GTF2F2: variants seen among roughly 807,000 people sequenced by gnomAD.
GTF2F2 encodes the protein ATP-dependent helicase GTF2F2.
Under a neutral mutation model 42.2 loss-of-function variants are expected in GTF2F2, and 23 were observed. The observed-to-expected ratio is 0.55, with a 90% CI of 0.39 to 0.77. The LOEUF (loss-of-function observed/expected upper bound fraction) is 0.77. Among genes scored for constraint, GTF2F2 ranks in the 30% least tolerant of loss-of-function variants. The probability of loss-of-function intolerance (pLI) is 0.00; values close to 1 mark genes in which losing one functional copy is unlikely to be tolerated. For missense variants in GTF2F2, 261 were observed against 287.2 expected, an observed-to-expected ratio of 0.91 and a Z score of 0.66; for synonymous variants, 105 against 100.8, an observed-to-expected ratio of 1.04 and a Z score of -0.25.
intron 6 of GTF2F2, among the ~76,000 whole-genome samples, chr13:45,254,084 AAAG>A (rs1566152259): frequency 6.0e-5 from 9 of 150,470 alleles, no homozygotes; most frequent in African/African-American, 1.5e-4. Flanking sequence ...AAAAAAAAAA[AAAG>A]AAAGAAGAAG....
chr13:45,261,080 T>G (rs1024876465), intron 6 of GTF2F2, among the ~76,000 whole-genome samples: 2 of 142,302 alleles, frequency 1.4e-5, no homozygotes, highest in African/African-American at 5.3e-5. Flanking sequence ...GAGGTGAGAT[T>G]GCGCCACTGC....
At chr13:45,194,861 A>G (rs1872814072) in intron 4 of GTF2F2, 1 of 370,892 alleles carries the variant, frequency 2.7e-6, no homozygotes, top group African/African-American at 2.1e-5. Flanking sequence ...GTTACTCAGA[A>G]TAAATTGAAT....
intron 4 of GTF2F2, among the ~76,000 whole-genome samples, chr13:45,168,533 A>G (rs1486828650): frequency 1.3e-5 from 2 of 152,206 alleles, no homozygotes; most frequent in Admixed American, 6.5e-5. Flanking sequence ...GGTTTTCTAC[A>G]CTAATCATTT....
chr13:45,194,767 G>A (rs1406071488), intron 4 of GTF2F2: 4 of 572,120 alleles, frequency 7.0e-6, no homozygotes, highest in South Asian at 5.3e-5. Context: ...GGAGTAAGAC[G>A]GAAAAGAGAA....
chr13:45,246,438 C>G (rs1875621759), intron 5 of GTF2F2, among the ~76,000 whole-genome samples: 1 of 152,156 alleles, frequency 6.6e-6, no homozygotes, highest in Non-Finnish European at 1.5e-5. Context: ...TCTATTGAAT[C>G]TGTTTTCAAA....
intron 4 of GTF2F2, chr13:45,194,528 A>G (rs759102946): frequency 6.2e-7 from 1 of 1,611,866 alleles, no homozygotes; most frequent in African/African-American, 1.3e-5. Flanking sequence ...TTCCCTTCAT[A>G]CTCCTTTTCT....
At position 45,134,454 on chromosome 13, in the gene GTF2F2, T is replaced by C. The variant is rs1869513393; in HGVS notation, c.67-2279T>C. On this transcript the variant is annotated intron_variant, in intron 1 of 7. Coordinates refer to ENST00000340473, the MANE Select transcript of GTF2F2 (RefSeq NM_004128.3). ...GGATAGATAAGAAATAGTGAAAGAG[T>C]CCTGAGGGCATCATTTGAGCCCTTA... Among the ~76,000 whole-genome samples, 2 of 151,860 alleles carry C rather than the reference T, an allele frequency of 1.3e-5. 1 individual carries two copies. Among genetic ancestry groups the C allele is most frequent in the African/African-American group, 4.8e-5 (2 of 41,396 alleles).
intron 4 of GTF2F2, chr13:45,194,179 C>T (rs1872772571): frequency 6.2e-7 from 1 of 1,614,060 alleles, no homozygotes; most frequent in Non-Finnish European, 8.5e-7. Flanking sequence ...TTCTTTCTCC[C>T]ACCTGGATTT....
chr13:45,122,952 T>G (rs1277806278), intron 1 of GTF2F2: 2 of 152,080 alleles, frequency 1.3e-5, no homozygotes, highest in African/African-American at 2.4e-5. Flanking sequence ...AAATTAGTGC[T>G]TCACCAGAAC....
At chr13:45,228,669 CTTTT>C (rs57570023) in intron 5 of GTF2F2, among the ~76,000 whole-genome samples, 1 of 108,286 alleles carries the variant, frequency 9.2e-6, no homozygotes, top group African/African-American at 4.8e-5. Flanking sequence ...CAGAGTTAAT[CTTTT>C]TTTTTTTTTT....
chr13:45,251,680 A>G (rs1875885467), intron 5 of GTF2F2, among the ~76,000 whole-genome samples: 4 of 151,638 alleles, frequency 2.6e-5, no homozygotes, highest in African/African-American at 4.8e-5. Flanking sequence ...ACTGCTTCCT[A>G]TTGGATTCAT....
chr13:45,151,948 T>C, intron 4 of GTF2F2, 117 bp downstream of exon 4: 1 of 540,766 alleles, frequency 1.8e-6, no homozygotes, highest in Non-Finnish European at 3.1e-6. Flanking sequence ...GGAGTTTCGC[T>C]CTTGTTGCCC....
intron 4 of GTF2F2, chr13:45,194,669 T>C (rs1322937384): frequency 1.8e-6 from 2 of 1,109,758 alleles, no homozygotes; most frequent in African/African-American, 3.1e-5. Context: ...AGCCTGGTGA[T>C]GGAATGGAAA....
At chr13:45,225,027 A>G (rs1874271045) in intron 5 of GTF2F2, among the ~76,000 whole-genome samples, 1 of 152,214 alleles carries the variant, frequency 6.6e-6, no homozygotes, top group Admixed American at 6.5e-5. Context: ...TGTGTATACA[A>G]ATCAGCTGAG....
intron 4 of GTF2F2, among the ~76,000 whole-genome samples, chr13:45,186,427 G>A (rs931617863): frequency 2.0e-5 from 3 of 151,686 alleles, no homozygotes; most frequent in African/African-American, 7.3e-5. Flanking sequence ...AAGTAGCTGG[G>A]ATTTCAGGCG....
At chr13:45,128,644 T>C (rs1286582786) in intron 1 of GTF2F2, among the ~76,000 whole-genome samples, 1 of 151,974 alleles carries the variant, frequency 6.6e-6, no homozygotes, top group Non-Finnish European at 1.5e-5. Flanking sequence ...CAGGCTGGAG[T>C]GCAGTGGCAT....
chr13:45,168,783 C>G (rs755853224), intron 4 of GTF2F2, among the ~76,000 whole-genome samples: 4 of 73,668 alleles, frequency 5.4e-5, no homozygotes, highest in South Asian at 4.8e-4. Context: ...TGGCTGGCTT[C>G]CTTCCTTCCT....
intron 5 of GTF2F2, among the ~76,000 whole-genome samples, chr13:45,225,764 TAAG>T (rs1184129916): frequency 1.3e-5 from 2 of 152,180 alleles, no homozygotes; most frequent in African/African-American, 4.8e-5. Context: ...CAAATGCATT[TAAG>T]AAGTTTCCCA....
chr13:45,157,075 A>C (rs1214155101), intron 4 of GTF2F2, among the ~76,000 whole-genome samples: 3 of 152,136 alleles, frequency 2.0e-5, no homozygotes, highest in Admixed American at 6.5e-5. Context: ...TGGGGGTGGG[A>C]CCTCATTGAG....
Sources: allele counts gnomAD v4.1 joint callset (sites outside exome capture counted in the v4.1 genomes callset), GRCh38; gene constraint gnomAD v4.1.1; transcripts MANE v1.5; gene names NCBI Gene and HGNC (gene_info 2026-07-23, HGNC 2026-07-21).